Variants in CSMD1 observed in about 807,000 individuals in gnomAD.
CSMD1 encodes the protein CUB and sushi domain-containing protein 1.
A neutral mutation model predicts 417.5 loss-of-function variants in CSMD1; 213 were observed. The observed-to-expected ratio is 0.51, with a 90% CI of 0.46 to 0.57. The LOEUF (loss-of-function observed/expected upper bound fraction) is 0.57, where lower values mean the gene tolerates loss of function less well. Ranked by LOEUF, CSMD1 falls within the 20% of genes least tolerant of loss-of-function variation. The pLI is 0.00. For missense variants in CSMD1, 6,923 were observed against 4,529.7 expected (o/e 1.53, Z -15.17); for synonymous variants, 2,862 against 1,736.8 (o/e 1.65, Z -16.11).
chr8:4,048,187 G>A (rs906331261), intron 3 of CSMD1, among the ~76,000 whole-genome samples: 5 of 152,148 alleles, frequency 3.3e-5, no homozygotes, highest in Admixed American at 2.0e-4. Flanking sequence ...TGTTGGTGCT[G>A]TATGGATGTT....
At chr8:3,244,039 C>T (rs1230042810) in intron 26 of CSMD1, among the ~76,000 whole-genome samples, 2 of 152,114 alleles carry the variant, frequency 1.3e-5, no homozygotes, top group Non-Finnish European at 2.9e-5. Flanking sequence ...CTTCTCACAT[C>T]TGTAGAAAAA....
chr8:4,012,131 A>G (rs1053018598), intron 4 of CSMD1, among the ~76,000 whole-genome samples: 1 of 152,170 alleles, frequency 6.6e-6, no homozygotes, highest in African/African-American at 2.4e-5. Flanking sequence ...AAATATATAT[A>G]TATTTTTCAT....
chr8:3,863,049 C>G (rs940321409), intron 5 of CSMD1, among the ~76,000 whole-genome samples: 2 of 152,144 alleles, frequency 1.3e-5, no homozygotes, highest in Non-Finnish European at 2.9e-5. Flanking sequence ...GACGGCACCT[C>G]CCTGCAGCAT....
In CSMD1 at chr8:3,533,339, A is replaced by C. The variant is rs1055080010; in HGVS notation, c.1345-39613T>G. On this transcript the variant is annotated intron_variant, in intron 10 of 69. Transcript: ENST00000635120. ...CCGAGATTGTACAGCAGATCTCTAG[A>C]ACTTATTCATCTTACATAAGAGAAC... Among the ~76,000 whole-genome samples, 3 of 152,178 alleles carry C rather than the reference A, an allele frequency of 2.0e-5. No homozygotes were observed. The South Asian group carries it at 6.2e-4, about 32-fold the overall frequency.
intron 3 of CSMD1, among the ~76,000 whole-genome samples, chr8:4,342,512 C>A (rs1240084525): frequency 6.6e-6 from 1 of 152,040 alleles, no homozygotes; most frequent in Non-Finnish European, 1.5e-5. Context: ...AGGTTTCATT[C>A]CGAACTCTGA....
chr8:3,829,429 A>T (rs1585057165), intron 5 of CSMD1, among the ~76,000 whole-genome samples: 1 of 152,110 alleles, frequency 6.6e-6, no homozygotes, highest in Admixed American at 6.6e-5. Flanking sequence ...ATAAGTCAAT[A>T]CCGGTTCCAC....
intron 11 of CSMD1, among the ~76,000 whole-genome samples, chr8:3,476,912 CAAAAAA>C (rs761021655): frequency 3.2e-5 from 4 of 126,832 alleles, no homozygotes; most frequent in Admixed American, 8.4e-5. Context: ...AACTCCGCCT[CAAAAAA>C]AAAAAAAAAA....
chr8:4,742,842 T>C (rs1408161453), intron 1 of CSMD1, among the ~76,000 whole-genome samples: 1 of 152,164 alleles, frequency 6.6e-6, no homozygotes, highest in Non-Finnish European at 1.5e-5. Context: ...ATATATCAAA[T>C]TGCAGTTACA....
chr8:4,883,378 G>A (rs1182004757), intron 1 of CSMD1, among the ~76,000 whole-genome samples: 2 of 151,788 alleles, frequency 1.3e-5, no homozygotes, highest in East Asian at 1.9e-4. Flanking sequence ...TAAATAATAC[G>A]TTTCAGTGGT....
At chr8:3,040,971 T>C (rs995772938) in intron 50 of CSMD1, among the ~76,000 whole-genome samples, 2 of 152,210 alleles carry the variant, frequency 1.3e-5, no homozygotes, top group African/African-American at 4.8e-5. Context: ...GAAGTTCCAG[T>C]GTCATATTTC....
intron 25 of CSMD1, among the ~76,000 whole-genome samples, chr8:3,305,522 ATAAAAGG>A (rs1451531444): frequency 6.6e-6 from 1 of 152,068 alleles, no homozygotes; most frequent in Non-Finnish European, 1.5e-5. Flanking sequence ...GGAGCCCCTG[ATAAAAGG>A]TTAAGCTTGG....
intron 10 of CSMD1, among the ~76,000 whole-genome samples, chr8:3,504,424 C>T (rs985619397): frequency 1.3e-5 from 2 of 152,092 alleles, no homozygotes; most frequent in Non-Finnish European, 2.9e-5. Context: ...TTCAAGAATG[C>T]AGTGCAAGCA....
chr8:4,322,463 C>G (rs1380505225), intron 3 of CSMD1, among the ~76,000 whole-genome samples: 1 of 152,160 alleles, frequency 6.6e-6, no homozygotes, highest in East Asian at 1.9e-4. Flanking sequence ...AAACCCATAG[C>G]TCTTAGGGAT....
At chr8:4,628,803 T>C (rs1802323656) in intron 2 of CSMD1, among the ~76,000 whole-genome samples, 1 of 152,078 alleles carries the variant, frequency 6.6e-6, no homozygotes, top group African/African-American at 2.4e-5. Flanking sequence ...TACAACCTGT[T>C]AAAATTATAT....
At chr8:4,256,963 G>A (rs912071854) in intron 3 of CSMD1, among the ~76,000 whole-genome samples, 3 of 152,150 alleles carry the variant, frequency 2.0e-5, no homozygotes, top group Non-Finnish European at 2.9e-5. Flanking sequence ...TCTAATCACA[G>A]GCTGGAGGTA....
intron 26 of CSMD1, among the ~76,000 whole-genome samples, chr8:3,244,959 T>A (rs1006312654): frequency 6.6e-6 from 1 of 152,140 alleles, no homozygotes; most frequent in African/African-American, 2.4e-5. Context: ...CCTGAAGTTA[T>A]TTTTTGGCTA....
chr8:3,807,383 T>C (rs1444948611), intron 5 of CSMD1, among the ~76,000 whole-genome samples: 1 of 152,148 alleles, frequency 6.6e-6, no homozygotes, highest in Non-Finnish European at 1.5e-5. Context: ...CCAAGCCCTT[T>C]ATAGAAATTC....
At chr8:3,419,523 C>A (rs949974645) in intron 12 of CSMD1, among the ~76,000 whole-genome samples, 1 of 152,028 alleles carries the variant, frequency 6.6e-6, no homozygotes, top group African/African-American at 2.4e-5. Context: ...TTTGTGTTTG[C>A]CTGTCAGGAG....
At chr8:3,271,079 TC>T (rs1381341105) in intron 26 of CSMD1, among the ~76,000 whole-genome samples, 3 of 64,704 alleles carry the variant, frequency 4.6e-5, no homozygotes, top group African/African-American at 1.2e-4. Flanking sequence ...CCTTCCCCCC[TC>T]CCCCCACCCC....
Sources: allele counts gnomAD v4.1 joint callset (sites outside exome capture counted in the v4.1 genomes callset), GRCh38; gene constraint gnomAD v4.1.1; transcripts MANE v1.5; gene names NCBI Gene and HGNC (gene_info 2026-07-23, HGNC 2026-07-21).